Variants in ACOT1 observed in about 807,000 individuals in gnomAD.
ACOT1 encodes acyl-coenzyme A thioesterase 1.
In ACOT1, 8 loss-of-function variants were observed where a neutral mutation model predicts 15.7. That is an observed-to-expected ratio of 0.51 (90% CI 0.30 to 0.92). The LOEUF (loss-of-function observed/expected upper bound fraction) is 0.92, where lower values mean the gene tolerates loss of function less well. Ranked by LOEUF, ACOT1 falls within the 40% of genes least tolerant of loss-of-function variation. The pLI is 0.06. For synonymous variants in ACOT1, 67 were observed against 241.2 expected, an observed-to-expected ratio of 0.28 and a Z score of 6.69; for missense variants, 151 against 539.4, an observed-to-expected ratio of 0.28 and a Z score of 7.13.
the ACOT1 span, among the ~76,000 whole-genome samples, chr14:73,495,639 G>C: frequency 2.0e-4 from 30 of 152,046 alleles, no homozygotes; most frequent in Non-Finnish European, 3.5e-4. Context: ...TGGTACATAA[G>C]TGCCTGAGAA....
At chr14:73,498,351 A>G in the ACOT1 span, 29 of 1,580,284 alleles carry the variant, frequency 1.8e-5, no homozygotes, top group South Asian at 2.6e-4. Context: ...AAAGCTGCAG[A>G]GATTAGAGGG....
At chr14:73,491,501 G>A in the ACOT1 span, 78 of 1,511,956 alleles carry the variant, frequency 5.2e-5, no homozygotes, top group Non-Finnish European at 5.4e-5. Flanking sequence ...CCAGTCGTCC[G>A]GGGCCCCTGC....
chr14:73,539,733 C>G lies in ACOT1; in HGVS notation c.458-1760C>G, dbSNP rs1889012405. The G allele has an allele frequency of 1.7e-5, 2 of 118,978 alleles. 1 individual carries two copies. Among genetic ancestry groups the G allele is most frequent in the African/African-American group, 5.5e-5 (2 of 36,358 alleles). 7.4% of individuals were successfully genotyped at this position (118,978 alleles called of 1,614,324 possible). On this transcript the variant is annotated intron_variant, in intron 1 of 2. Coordinates refer to ENST00000311148, the MANE Select transcript of ACOT1 (RefSeq NM_001037161.2). The stretch of plus-strand genomic sequence containing the variant: ...AGCCCCACAGGATGCCGTCTGGAAG[C>G]TGCCAGCACGCGGTCCCTGTCCATC...
the ACOT1 span, chr14:73,508,390 G>A: frequency 1.0e-6 from 1 of 960,712 alleles, no homozygotes; most frequent in East Asian, 2.4e-5. Flanking sequence ...TACCCCACCT[G>A]ATATCTCACT....
the ACOT1 span, chr14:73,499,042 A>G: frequency 6.3e-7 from 1 of 1,595,468 alleles, no homozygotes; most frequent in South Asian, 1.1e-5. Context: ...TTTAAGGTTG[A>G]AGAGTTTGGG....
the ACOT1 span, among the ~76,000 whole-genome samples, chr14:73,521,384 T>C: frequency 6.6e-6 from 1 of 152,128 alleles, no homozygotes; most frequent in Non-Finnish European, 1.5e-5. Flanking sequence ...CCCACCTCCT[T>C]CGTCATCTCA....
the ACOT1 span, chr14:73,496,616 C>T: frequency 1.9e-6 from 3 of 1,601,842 alleles, no homozygotes; most frequent in Non-Finnish European, 2.6e-6. Context: ...TCTTGATCTC[C>T]TGAAGCATTT....
chr14:73,536,556 C>T (rs1204493339), upstream of ACOT1, among the ~76,000 whole-genome samples: 1 of 102,500 alleles, frequency 9.8e-6, no homozygotes. Context: ...AGAGGTAACA[C>T]TTGCCTGACT....
the ACOT1 span, chr14:73,492,144 A>G: frequency 3.3e-4 from 533 of 1,613,798 alleles, 2 homozygotes; most frequent in Non-Finnish European, 4.2e-4. This position sits in a 1 kb window ranked among gnomAD's most constrained non-coding sequence, Gnocchi z 4.9. Flanking sequence ...TCCAGCCCCA[A>G]CTTCAGTCAG....
chr14:73,510,424 T>G, the ACOT1 span, among the ~76,000 whole-genome samples: 1 of 145,610 alleles, frequency 6.9e-6, no homozygotes, highest in Non-Finnish European at 1.5e-5. Flanking sequence ...TGGCTGGAGT[T>G]TTTTTGTTTT....
the ACOT1 span, among the ~76,000 whole-genome samples, chr14:73,524,308 A>ATATATATATATATAT: frequency 6.0e-5 from 5 of 83,562 alleles, no homozygotes; most frequent in Non-Finnish European, 8.7e-5. Flanking sequence ...AAAAAAAAAA[A>ATATATATATATATAT]AAATATATAT....
chr14:73,497,042 C>T, the ACOT1 span, among the ~76,000 whole-genome samples: 11 of 152,136 alleles, frequency 7.2e-5, no homozygotes, highest in Non-Finnish European at 1.3e-4. Flanking sequence ...ACTACAGGCG[C>T]GTGCCATCAT....
At chr14:73,530,284 C>T in the ACOT1 span, 1 of 144,240 alleles carries the variant, frequency 6.9e-6, no homozygotes, top group African/African-American at 2.5e-5. Flanking sequence ...ACATCAGACT[C>T]TTGTGTCCTA....
chr14:73,500,558 C>T, the ACOT1 span: 62 of 1,612,630 alleles, frequency 3.8e-5, no homozygotes, highest in South Asian at 2.6e-4. Context: ...ACCATCTTGT[C>T]GCGGATCTGC....
Position 73,537,835 on chromosome 14 carries a change from G to A in ACOT1, c.414G>A (p.Pro138=). ...TCCCGCCCGGGGTGCGGCGCGAGCC[G>A]GTGCGCGCGGGCCGGGTGCGAGGCA... is the stretch of plus-strand genomic sequence containing the variant. The part of the protein sequence containing the change: ...YFLPPGVRRE[P]VRAGRVRGTL... The change falls in exon 1 of 3, where the codon CCG becomes CCA. Residue 138 remains proline, a synonymous_variant. Coordinates refer to ENST00000311148, the MANE Select transcript of ACOT1 (RefSeq NM_001037161.2). 4 of 1,209,296 alleles carry A rather than the reference G, an allele frequency of 3.3e-6. 1 individual carries two copies. The highest frequency in any genetic ancestry group is 4.3e-6 in the Non-Finnish European group (4 of 923,048). The allele number at this position is 1,209,296 out of a possible 1,614,324, so 74.9% of individuals were successfully genotyped here. A position where few individuals can be genotyped will look rare whatever the true frequency, so the allele number is the denominator to read the frequency against.
At position 73,539,655 on chromosome 14, in the gene ACOT1, A is replaced by AGCTGCGGTGCT. The variant is rs1486802732; in HGVS notation, c.457+1783_457+1793dup. On this transcript the variant is annotated intron_variant, in intron 1 of 2. Transcript: ENST00000311148. ...GTGAGGTACTGCTTCCAGACCAGGAAGCTGCGGTGCTGCTGCAGTGTCACA... is the reference window on the plus strand; with the variant it reads ...GTGAGGTACTGCTTCCAGACCAGGAAGCTGCGGTGCTGCTGCGGTGCTGCTGCAGTGTCACA... 1.7e-5 allele frequency: 2 copies of AGCTGCGGTGCT among 117,164 alleles called. 1 individual carries two copies. Among genetic ancestry groups the AGCTGCGGTGCT allele is most frequent in the Non-Finnish European group, 3.7e-5 (2 of 53,508 alleles). The allele number at this position is 117,164 out of a possible 1,614,324, so 7.3% of individuals were successfully genotyped here.
upstream of ACOT1, among the ~76,000 whole-genome samples, chr14:73,536,516 T>TAA (rs543491523): frequency 0.035 from 2,087 of 59,282 alleles, 229 homozygotes; most frequent in African/African-American, 0.11. Context: ...CCTGTCTCTT[T>TAA]AAAAAAAAAA....
At chr14:73,517,665 C>CAA in the ACOT1 span, among the ~76,000 whole-genome samples, 203 of 59,320 alleles carry the variant, frequency 3.4e-3, 3 homozygotes, top group Admixed American at 4.8e-3. Flanking sequence ...GAGACCCTGT[C>CAA]AAAAAAAAAA....
At chr14:73,534,908 A>G (rs1172132274), upstream of ACOT1, among the ~76,000 whole-genome samples, 2 of 110,090 alleles carry the variant, frequency 1.8e-5, 1 homozygote, top group Non-Finnish European at 3.9e-5. Context: ...CCTCCCCCCT[A>G]ACAGCTGGAA....
Sources: allele counts gnomAD v4.1 joint callset (sites outside exome capture counted in the v4.1 genomes callset), GRCh38; gene constraint gnomAD v4.1.1; non-coding constraint Gnocchi (gnomAD v3.1); transcripts MANE v1.5; gene names NCBI Gene and HGNC (gene_info 2026-07-23, HGNC 2026-07-21).